Variants in ATP6V1D observed in about 807,000 individuals in gnomAD.
The protein encoded by ATP6V1D is ATPase H+ transporting V1 subunit D, also known as V-type proton ATPase subunit D.
Under a neutral mutation model 39.4 loss-of-function variants are expected in ATP6V1D, and 20 were observed. The observed-to-expected ratio is 0.51, with a 90% CI of 0.36 to 0.74. ATP6V1D has a LOEUF of 0.74. ATP6V1D is among the 30% of genes least tolerant of loss of function. The probability of loss-of-function intolerance (pLI) is 0.00; values close to 1 mark genes in which losing one functional copy is unlikely to be tolerated. For synonymous variants in ATP6V1D, 100 were observed against 100.5 expected (o/e 0.99, Z 0.03); for missense variants, 228 against 291.6 (o/e 0.78, Z 1.59).
intron 1 of ATP6V1D, 22 bp from the exon 2 acceptor site, chr14:67,353,062 T>G: frequency 3.9e-6 from 6 of 1,551,480 alleles, no homozygotes; most frequent in Non-Finnish European, 4.4e-6. Flanking sequence ...TAAACAAAGT[T>G]AAGACATCTA....
At position 67,338,227 on chromosome 14, in the gene ATP6V1D, C is replaced by A. The variant is rs907681462; in HGVS notation, c.*394G>T. On this transcript the variant is annotated 3_prime_UTR_variant, in exon 9 of 9. Transcript: ENST00000216442. ...TGGTAACAAGAATGGCTGCAGCAAT[C>A]TCAGACAACAGCGCCAAGGTTTGCA... The A allele has an allele frequency of 7.6e-5, 12 of 157,038 alleles. No individual in the cohort carries two copies. The highest frequency in any genetic ancestry group is 2.9e-4 in the African/African-American group (12 of 41,626). The allele number at this position is 157,038 out of a possible 1,614,324, so 9.7% of individuals were successfully genotyped here. A position where few individuals can be genotyped will look rare whatever the true frequency, so the allele number is the denominator to read the frequency against.
chr14:67,345,908 T>TA, intron 5 of ATP6V1D, 37 bp from the exon 6 acceptor site: 1 of 1,314,366 alleles, frequency 7.6e-7, no homozygotes, highest in Middle Eastern at 1.9e-4. Flanking sequence ...TTAATTAGAG[T>TA]AAAATATCTT....
chr14:67,341,996 T>TA (rs2085588083), intron 7 of ATP6V1D, among the ~76,000 whole-genome samples: 1 of 151,610 alleles, frequency 6.6e-6, no homozygotes, highest in African/African-American at 2.4e-5. Context: ...GCATGCTCGT[T>TA]AAGAGTCATC....
At chr14:67,355,442 C>T (rs1222029790) in intron 1 of ATP6V1D, among the ~76,000 whole-genome samples, 19 of 87,424 alleles carry the variant, frequency 2.2e-4, no homozygotes, top group African/African-American at 9.5e-4. Flanking sequence ...GAAGTAAGAC[C>T]CTGTCTCAAA....
At chr14:67,343,476 C>G (rs370146601) in intron 6 of ATP6V1D, 38 bp from the exon 7 acceptor site, 1 of 1,402,944 alleles carries the variant, frequency 7.1e-7, no homozygotes, top group Non-Finnish European at 1.0e-6. Flanking sequence ...AGCACAAAGT[C>G]TTCCTAATCA....
At chr14:67,348,290 G>A (rs993522592) in intron 4 of ATP6V1D, among the ~76,000 whole-genome samples, 1 of 151,938 alleles carries the variant, frequency 6.6e-6, no homozygotes, top group Non-Finnish European at 1.5e-5. Context: ...GGCTGGTCTC[G>A]AACTCCCGAC....
intron 2 of ATP6V1D, among the ~76,000 whole-genome samples, chr14:67,351,414 C>T (rs2141107046): frequency 6.6e-6 from 1 of 152,316 alleles, no homozygotes; most frequent in East Asian, 1.9e-4. Context: ...TTTTCTTAAT[C>T]ATTTTAGGTC....
intron 8 of ATP6V1D, 44 bp downstream of exon 8, chr14:67,340,396 T>C (rs1220753293): frequency 1.3e-6 from 2 of 1,529,496 alleles, no homozygotes; most frequent in Non-Finnish European, 1.8e-6. Context: ...GCCTTTGGAA[T>C]ATGGAAAACA....
intron 7 of ATP6V1D, among the ~76,000 whole-genome samples, chr14:67,340,807 G>T (rs1179205291): frequency 6.6e-6 from 1 of 152,134 alleles, no homozygotes. Flanking sequence ...CCGAGTGCCT[G>T]CGATTGCAGG....
rs574058689 is a variant in ATP6V1D at position 67,359,642 on chromosome 14, C to T, written c.41+16G>A. The T allele has an allele frequency of 1.2e-6, 2 of 1,613,984 alleles. No homozygotes were observed. Among genetic ancestry groups the T allele is most frequent in the Non-Finnish European group, 1.7e-6 (2 of 1,180,002 alleles). Reference sequence around the variant, plus strand: ...CCTAAACCTGTGAAAGCGGCTTATCCCATTCCTTTACTTACATTCGCGAGG... The same window carrying T: ...CCTAAACCTGTGAAAGCGGCTTATCTCATTCCTTTACTTACATTCGCGAGG... On this transcript the variant is annotated intron_variant, in intron 1 of 8. Transcript: ENST00000216442.
chr14:67,338,330 G>A lies in ATP6V1D; in HGVS notation c.*291C>T, dbSNP rs1243878608. ...CTTCCTAAGAGGTATTTCCTAATATGCTTGGTAAGCAGATCACGTGTAACA... is the reference window on the plus strand; with the variant it reads ...CTTCCTAAGAGGTATTTCCTAATATACTTGGTAAGCAGATCACGTGTAACA... On this transcript the variant is annotated 3_prime_UTR_variant, in exon 9 of 9. Transcript: ENST00000216442. The A allele has an allele frequency of 1.2e-5, 3 of 246,976 alleles. No individual in the cohort carries two copies. Among genetic ancestry groups the A allele is most frequent in the Non-Finnish European group, 2.3e-5 (3 of 130,314 alleles). 15.3% of individuals were successfully genotyped at this position (246,976 alleles called of 1,614,324 possible). A position where few individuals can be genotyped will look rare whatever the true frequency, so the allele number is the denominator to read the frequency against.
rs972002829 is a variant in ATP6V1D, at chr14:67,359,679, A to G, written c.20T>C (p.Ile7Thr). The change falls in exon 1 of 9, where the codon ATT becomes ACT. Residue 7 changes from isoleucine (I) to threonine (T), a missense_variant. Ile to Thr is a moderately conservative substitution (Grantham distance 89). Transcript: ENST00000216442. ...TTACATTCGCGAGGGAAAGATTTCA[A>G]TTCGGTCTTTGCCCGACATTCTGAC... Reference protein sequence around the residue: MSGKDRIEIFPSRMAQT... With the variant: MSGKDRTEIFPSRMAQT... 2.5e-6 allele frequency: 4 copies of G among 1,613,998 alleles called. No homozygotes were observed. Among genetic ancestry groups the G allele is most frequent in the Non-Finnish European group, 2.5e-6 (3 of 1,179,990 alleles).
intron 6 of ATP6V1D, among the ~76,000 whole-genome samples, chr14:67,345,061 G>A (rs564893497): frequency 6.6e-5 from 10 of 152,064 alleles, no homozygotes; most frequent in Middle Eastern, 6.8e-3. Context: ...GGACGACATG[G>A]TGAAACCCCA....
At chr14:67,350,826 CAG>C in intron 2 of ATP6V1D, 136 bp from the exon 3 acceptor site, 1 of 761,548 alleles carries the variant, frequency 1.3e-6, no homozygotes, top group Non-Finnish European at 2.0e-6. Context: ...TAACGACAAA[CAG>C]AAATTTCCAA....
At position 67,340,517 on chromosome 14, in the gene ATP6V1D, G is replaced by T. The variant is rs1483705310; in HGVS notation, c.525C>A (p.Val175=). The T allele has an allele frequency of 5.2e-5, 81 of 1,571,156 alleles. No homozygotes were observed. The highest frequency in any genetic ancestry group is 6.7e-5 in the Non-Finnish European group (79 of 1,170,524). ...GAGTACGTTCAATCCGGGGAATGAT[G>T]ACTAGAATAAAAAAAAAAATAATAT... ...TNRRVNAIEH[V]IIPRIERTLA... is the part of the protein sequence containing the mutation. The change falls in exon 8 of 9, where the codon GTC becomes GTA. Residue 175 remains valine (V), a splice_region_variant and synonymous_variant. Transcript: ENST00000216442.
Position 67,359,801 on chromosome 14 carries a change from T to C in ATP6V1D, c.-103A>G, listed in dbSNP as rs2085717886. ...GTCTTCCTCTACGGGAGTCAGCTGG[T>C]TGTGTCACTTGACCCCTCTTGTTGC... On this transcript the variant is annotated 5_prime_UTR_variant, in exon 1 of 9. Transcript: ENST00000216442. The C allele has an allele frequency of 1.5e-6, 2 of 1,339,816 alleles. No homozygotes were observed. The highest frequency in any genetic ancestry group is 2.1e-6 in the Non-Finnish European group (2 of 950,282). 83.0% of individuals were successfully genotyped at this position (1,339,816 alleles called of 1,614,324 possible). A position where few individuals can be genotyped will look rare whatever the true frequency, so the allele number is the denominator to read the frequency against.
chr14:67,356,524 G>C (rs1159752893), intron 1 of ATP6V1D, among the ~76,000 whole-genome samples: 1 of 151,578 alleles, frequency 6.6e-6, no homozygotes, highest in Non-Finnish European at 1.5e-5. Flanking sequence ...AGATCACTAA[G>C]ACAATTCTAT....
At chr14:67,339,374 A>T (rs1165637792) in intron 8 of ATP6V1D, among the ~76,000 whole-genome samples, 1 of 152,040 alleles carries the variant, frequency 6.6e-6, no homozygotes, top group Non-Finnish European at 1.5e-5. Context: ...ATTTTTTTAA[A>T]ATTTTGGCTC....
chr14:67,341,567 G>T (rs546916534), intron 7 of ATP6V1D, among the ~76,000 whole-genome samples: 26 of 150,376 alleles, frequency 1.7e-4, no homozygotes, highest in Admixed American at 1.7e-3. Flanking sequence ...GAGGTGGGGG[G>T]GTCAGCCCCC....
Sources: allele counts gnomAD v4.1 joint callset (sites outside exome capture counted in the v4.1 genomes callset), GRCh38; gene constraint gnomAD v4.1.1; transcripts MANE v1.5; gene names NCBI Gene and HGNC (gene_info 2026-07-23, HGNC 2026-07-21).